The following PPP2R2B variants were observed in gnomAD, a reference collection of about 807,000 sequenced individuals.
PPP2R2B encodes serine/threonine-protein phosphatase 2A 55 kDa regulatory subunit B beta isoform.
A neutral mutation model predicts 46.0 loss-of-function variants in PPP2R2B; 5 were observed. The ratio of observed to expected loss-of-function variants is 0.11; its 90% CI spans 0.06 to 0.23. The LOEUF is 0.23. PPP2R2B is among the 10% of genes least tolerant of loss of function. The pLI is 1.00. For synonymous variants in PPP2R2B, 215 were observed against 206.7 expected (o/e 1.04, Z -0.34); for missense variants, 367 against 575.0 (o/e 0.64, Z 3.70).
At chr5:146,720,899 T>C (rs1344797564) in intron 2 of PPP2R2B, among the ~76,000 whole-genome samples, 1 of 152,210 alleles carries the variant, frequency 6.6e-6, no homozygotes, top group Non-Finnish European at 1.5e-5. Context: ...ACATAGTGCA[T>C]AGCCACTTGC....
chr5:146,820,994 C>T (rs1311468220), intron 2 of PPP2R2B, among the ~76,000 whole-genome samples: 3 of 152,120 alleles, frequency 2.0e-5, no homozygotes, highest in Admixed American at 6.6e-5. Flanking sequence ...ATTAGTGCAT[C>T]GCCTTCTAAT....
At chr5:146,616,002 A>T (rs1014164029) in intron 7 of PPP2R2B, among the ~76,000 whole-genome samples, 1 of 152,258 alleles carries the variant, frequency 6.6e-6, no homozygotes, top group African/African-American at 2.4e-5. Flanking sequence ...ACAGAGTTAC[A>T]GTAACCAAAA....
At chr5:146,728,843 T>C (rs959266677) in intron 2 of PPP2R2B, among the ~76,000 whole-genome samples, 1 of 152,190 alleles carries the variant, frequency 6.6e-6, no homozygotes, top group Non-Finnish European at 1.5e-5. Context: ...TCCCCAGCCA[T>C]GTGGAACCAT....
chr5:146,892,082 T>C (rs1168268794), intron 1 of PPP2R2B, among the ~76,000 whole-genome samples: 2 of 152,160 alleles, frequency 1.3e-5, no homozygotes, highest in Non-Finnish European at 2.9e-5. Flanking sequence ...TTCTTGTACT[T>C]TTTCTCTGAA....
chr5:146,810,332 A>T (rs1425515293), intron 2 of PPP2R2B, among the ~76,000 whole-genome samples: 1 of 152,186 alleles, frequency 6.6e-6, no homozygotes, highest in Non-Finnish European at 1.5e-5. Flanking sequence ...GAAGACAATG[A>T]GAGCCGAGTG....
chr5:146,849,223 G>A (rs758157903), intron 2 of PPP2R2B, among the ~76,000 whole-genome samples: 1 of 152,074 alleles, frequency 6.6e-6, no homozygotes, highest in Non-Finnish European at 1.5e-5. Context: ...GGCCCTCTCA[G>A]CTGACACAGA....
intron 1 of PPP2R2B, among the ~76,000 whole-genome samples, chr5:146,937,095 A>C (rs1483950892): frequency 1.3e-5 from 2 of 152,192 alleles, no homozygotes; most frequent in Non-Finnish European, 2.9e-5. Context: ...TGAGGTCGGC[A>C]GTTCGAAATC....
At chr5:146,842,538 T>C (rs2151372952) in intron 2 of PPP2R2B, among the ~76,000 whole-genome samples, 1 of 151,978 alleles carries the variant, frequency 6.6e-6, no homozygotes, top group Admixed American at 6.6e-5. Context: ...GCAAGTTTTT[T>C]ACATAGAAAA....
intron 1 of PPP2R2B, among the ~76,000 whole-genome samples, chr5:146,927,557 G>A (rs1462513048): frequency 6.6e-6 from 1 of 152,050 alleles, no homozygotes; most frequent in Non-Finnish European, 1.5e-5. Context: ...GGCAAGGAGT[G>A]GTGGATATCT....
intron 2 of PPP2R2B, among the ~76,000 whole-genome samples, chr5:146,808,481 A>G (rs993881084): frequency 4.6e-5 from 7 of 152,192 alleles, no homozygotes; most frequent in African/African-American, 1.7e-4. Context: ...ACACATTTAG[A>G]AAAGATACCT....
At chr5:146,759,771 A>G (rs888750270) in intron 2 of PPP2R2B, among the ~76,000 whole-genome samples, 18 of 137,888 alleles carry the variant, frequency 1.3e-4, no homozygotes, top group African/African-American at 4.9e-4. Context: ...TTTTTTTTTC[A>G]TTTGTGACGG....
At chr5:146,656,005 G>T (rs1022781078) in intron 5 of PPP2R2B, among the ~76,000 whole-genome samples, 1 of 152,198 alleles carries the variant, frequency 6.6e-6, no homozygotes, top group Non-Finnish European at 1.5e-5. Context: ...ATGGGTAACT[G>T]TGCTTCTGGG....
At chr5:146,791,797 T>C (rs1296643875) in intron 2 of PPP2R2B, among the ~76,000 whole-genome samples, 1 of 152,174 alleles carries the variant, frequency 6.6e-6, no homozygotes, top group African/African-American at 2.4e-5. Context: ...ACCAGACCAC[T>C]GGCTGTCTCC....
intron 5 of PPP2R2B, among the ~76,000 whole-genome samples, chr5:146,683,351 C>A (rs930362739): frequency 2.0e-5 from 3 of 152,146 alleles, no homozygotes; most frequent in African/African-American, 7.2e-5. Context: ...GTACAAGAGG[C>A]AGGACAGCAG....
chr5:146,826,888 T>C (rs909939724), intron 2 of PPP2R2B, among the ~76,000 whole-genome samples: 3 of 152,182 alleles, frequency 2.0e-5, no homozygotes, highest in East Asian at 3.9e-4. Flanking sequence ...CCCTGGAATA[T>C]CTGTTTTTTA....
In PPP2R2B at chr5:146,585,846, A is replaced by T. The variant is rs1249444153; in HGVS notation, c.*4101T>A. ...CAATAACAATTCTCTGAGCTAGGATAGATGTCTTTCTGGCCATTTTACAGG... is the reference window on the plus strand; with the variant it reads ...CAATAACAATTCTCTGAGCTAGGATTGATGTCTTTCTGGCCATTTTACAGG... On this transcript the variant is annotated 3_prime_UTR_variant, in exon 10 of 10. Transcript: ENST00000394411. 6.6e-6 allele frequency: 1 copy of T among 152,232 alleles called. No individual in the cohort carries two copies. The highest frequency in any genetic ancestry group is 1.5e-5 in the Non-Finnish European group (1 of 68,056). The allele number at this position is 152,232 out of a possible 1,614,324, so 9.4% of individuals were successfully genotyped here.
At chr5:146,616,559 G>A (rs950034611) in intron 7 of PPP2R2B, among the ~76,000 whole-genome samples, 4 of 152,106 alleles carry the variant, frequency 2.6e-5, no homozygotes, top group Non-Finnish European at 5.9e-5. Context: ...TTAAAAAAAT[G>A]AGCAAGTGAT....
chr5:146,912,422 AG>A (rs2151806735), intron 1 of PPP2R2B, among the ~76,000 whole-genome samples: 1 of 152,166 alleles, frequency 6.6e-6, no homozygotes, highest in Admixed American at 6.5e-5. Flanking sequence ...GCATTCTGAA[AG>A]AAAGAATAGA....
chr5:146,692,527 ATTTTTTTTTTTT>A (rs34156552), intron 4 of PPP2R2B, among the ~76,000 whole-genome samples: 11 of 111,066 alleles, frequency 9.9e-5, no homozygotes, highest in African/African-American at 4.1e-4. Context: ...TTTTAATTCA[ATTTTTTTTTTTT>A]TTTTTTTTTT....
Sources: gnomAD v4.1 joint callset for allele counts (sites outside exome capture counted in the v4.1 genomes callset) on GRCh38, gnomAD v4.1.1 for gene constraint, MANE v1.5 for transcripts, NCBI Gene and HGNC (gene_info 2026-07-23, HGNC 2026-07-21) for gene names.